The following DPF3 variants were observed in gnomAD, a reference collection of about 807,000 sequenced individuals.
DPF3 encodes double PHD fingers 3.
In DPF3, 18 loss-of-function variants were observed where a neutral mutation model predicts 56.8. That is an observed-to-expected ratio of 0.32 (90% confidence interval 0.22 to 0.47). The LOEUF (loss-of-function observed/expected upper bound fraction) is 0.47. DPF3 is among the 20% of genes least tolerant of loss of function. DPF3 has a pLI of 1.00. For missense variants in DPF3, 403 were observed against 488.8 expected (o/e 0.82, Z 1.65); for synonymous variants, 188 against 180.2 (o/e 1.04, Z -0.35).
chr14:72,758,992 T>C (rs1266752069), intron 2 of DPF3, among the ~76,000 whole-genome samples: 1 of 152,122 alleles, frequency 6.6e-6, no homozygotes, highest in Non-Finnish European at 1.5e-5. Flanking sequence ...GAAAAATCAA[T>C]CAATTGAAAC....
chr14:72,714,947 C>T (rs760009202), intron 5 of DPF3, among the ~76,000 whole-genome samples: 4 of 152,212 alleles, frequency 2.6e-5, no homozygotes, highest in Non-Finnish European at 5.9e-5. Flanking sequence ...CCAGGCCCCT[C>T]AGCAGACCAG....
chr14:72,822,038 G>A (rs115213339), intron 1 of DPF3, among the ~76,000 whole-genome samples: 2,032 of 152,078 alleles, frequency 0.013, 45 homozygotes, highest in African/African-American at 0.046. Flanking sequence ...ATAAATCATG[G>A]TATGTCCACA....
intron 1 of DPF3, among the ~76,000 whole-genome samples, chr14:72,836,706 A>G (rs1016394343): frequency 6.6e-6 from 1 of 151,966 alleles, no homozygotes; most frequent in Non-Finnish European, 1.5e-5. Context: ...CATTCCTAAC[A>G]GGACTAGCTC....
intron 7 of DPF3, among the ~76,000 whole-genome samples, chr14:72,690,601 C>T (rs922728575): frequency 2.0e-5 from 3 of 151,492 alleles, no homozygotes; most frequent in Non-Finnish European, 4.4e-5. Flanking sequence ...TACACACGCA[C>T]ACACAACATG....
chr14:72,868,988 A>C (rs1885787363), intron 1 of DPF3, among the ~76,000 whole-genome samples: 1 of 152,086 alleles, frequency 6.6e-6, no homozygotes, highest in African/African-American at 2.4e-5. Context: ...CTTAGGATAA[A>C]GTACACAGCC....
chr14:72,613,796 C>T lies in DPF3; in HGVS notation c.*5501G>A, dbSNP rs889239289. Among the ~76,000 whole-genome samples, 3 of 152,236 alleles carry T rather than the reference C, an allele frequency of 2.0e-5. No individual in the cohort carries two copies. The highest frequency in any genetic ancestry group is 1.3e-4 in the Admixed American group (2 of 15,288). On this transcript the variant is annotated 3_prime_UTR_variant, in exon 11 of 11. Transcript: ENST00000556509. ...CTGACAGCTCTTCCTTTGGGCCTCT[C>T]TTCTAGCTGCCTGGGCTGCGCACAT...
chr14:72,712,675 C>G lies in DPF3; in HGVS notation c.604+1748G>C, dbSNP rs553258649. Among the ~76,000 whole-genome samples the G allele has an allele frequency of 2.0e-5, 3 of 152,298 alleles. No individual in the cohort carries two copies. In the East Asian group the frequency reaches 5.8e-4, roughly 29 times the overall value. On this transcript the variant is annotated intron_variant, in intron 6 of 10. Transcript: ENST00000556509. The stretch of plus-strand genomic sequence containing the variant: ...ATCACTTGAAACCAGGAGTTCAAGA[C>G]CAGCCTGGGCAAGACCCCATCTCTA...
chr14:72,730,180 G>T (rs1889581206), intron 4 of DPF3, among the ~76,000 whole-genome samples: 1 of 151,978 alleles, frequency 6.6e-6, no homozygotes, highest in African/African-American at 2.4e-5. Flanking sequence ...CTTGGGCCAG[G>T]GTAGCAGTGG....
intron 8 of DPF3, chr14:72,661,326 C>T (rs1567192309): frequency 1.0e-6 from 1 of 985,350 alleles, no homozygotes; most frequent in Non-Finnish European, 1.2e-6. Context: ...GGCAGGAAGT[C>T]GGTGCCCACC....
intron 8 of DPF3, chr14:72,661,975 T>G: frequency 1.0e-6 from 1 of 983,046 alleles, no homozygotes; most frequent in East Asian, 1.2e-4. Flanking sequence ...CTAGACCTCA[T>G]CAGACATGAT....
chr14:72,724,038 G>A, intron 4 of DPF3: 1 of 222,980 alleles, frequency 4.5e-6, no homozygotes, highest in South Asian at 1.4e-4. Flanking sequence ...TTTCTATGTG[G>A]GGCCAAAATG....
rs8007836 is a variant in DPF3, at chr14:72,612,205, T to C, written c.*7092A>G. Among the ~76,000 whole-genome samples the C allele has an allele frequency of 3.2e-4, 49 of 152,184 alleles. No individual in the cohort carries two copies. Among genetic ancestry groups the C allele is most frequent in the Non-Finnish European group, 6.5e-4 (44 of 68,030 alleles). ...CTTGGATGGACTCTGTTCCCTTTCC[T>C]GGCCAGAGGAGCACAAATGCCCCCT... On this transcript the variant is annotated 3_prime_UTR_variant, in exon 11 of 11. Transcript: ENST00000556509.
intron 8 of DPF3, among the ~76,000 whole-genome samples, chr14:72,669,374 CT>C (rs1368894361): frequency 6.6e-6 from 1 of 152,222 alleles, no homozygotes; most frequent in African/African-American, 2.4e-5. Context: ...CTGTGCACTC[CT>C]GGAGGCAAGA....
rs75165294 is a variant in DPF3 at position 72,645,145 on chromosome 14, T to C, written c.872-15409A>G. On this transcript the variant is annotated intron_variant, in intron 8 of 10. Transcript: ENST00000556509. ...TCTTAAGCAGGTCACTGGTCAGATA[T>C]ATAACTTCTGTTTTCCTTTCCATGA... 6.8e-4 allele frequency among the ~76,000 whole-genome samples: 104 copies of C among 152,314 alleles called. 1 individual carries two copies. The East Asian group carries it at 0.018, about 26-fold the overall frequency.
intron 8 of DPF3, among the ~76,000 whole-genome samples, chr14:72,667,893 G>A (rs902684035): frequency 6.6e-5 from 10 of 152,182 alleles, no homozygotes; most frequent in African/African-American, 2.4e-4. Context: ...GGGCAATGCA[G>A]GCAACGATAG....
At position 72,781,222 on chromosome 14, in the gene DPF3, C is replaced by T. The variant is rs533330488; in HGVS notation, c.33-9329G>A. On this transcript the variant is annotated intron_variant, in intron 1 of 10. Transcript: ENST00000556509. ...AGGCAGCTGGCATGGATTACCCTGG[C>T]AGCACTAACCTGCAGCAGACTAATC... is the stretch of plus-strand genomic sequence containing the variant. 1.1e-3 allele frequency among the ~76,000 whole-genome samples: 171 copies of T among 152,306 alleles called. 1 individual carries two copies. Among genetic ancestry groups the T allele is most frequent in the African/African-American group, 4.0e-3 (165 of 41,578 alleles).
intron 8 of DPF3, among the ~76,000 whole-genome samples, chr14:72,673,532 T>A (rs944483109): frequency 3.3e-5 from 5 of 152,206 alleles, no homozygotes; most frequent in African/African-American, 1.2e-4. Context: ...CATTTGAACA[T>A]AACCTGAAGA....
intron 1 of DPF3, among the ~76,000 whole-genome samples, chr14:72,882,280 TTTTC>T (rs1406447288): frequency 6.6e-6 from 1 of 152,244 alleles, no homozygotes; most frequent in African/African-American, 2.4e-5. Flanking sequence ...GGGAACTCTT[TTTTC>T]TTTCTTTACT....
intron 7 of DPF3, among the ~76,000 whole-genome samples, chr14:72,688,111 T>G (rs1887490019): frequency 6.7e-6 from 1 of 148,860 alleles, no homozygotes; most frequent in Non-Finnish European, 1.5e-5. Flanking sequence ...ACATGGTTAT[T>G]ACATGGATGG....
Sources: gnomAD v4.1 joint callset for allele counts (sites outside exome capture counted in the v4.1 genomes callset) on GRCh38, gnomAD v4.1.1 for gene constraint, MANE v1.5 for transcripts, NCBI Gene and HGNC (gene_info 2026-07-23, HGNC 2026-07-21) for gene names.